Variants in MIR2052HG observed in about 807,000 individuals in gnomAD.
MIR2052HG encodes the protein MIR2052 host gene.
chr8:74,624,195 A>T (rs997273724), intron 2 of MIR2052HG, among the ~76,000 whole-genome samples: 1 of 152,216 alleles, frequency 6.6e-6, no homozygotes, highest in African/African-American at 2.4e-5. Flanking sequence ...AAACTGTTGT[A>T]TAGCTTTTAG....
chr8:74,628,422 C>T (rs888734139), intron 2 of MIR2052HG, among the ~76,000 whole-genome samples: 5 of 152,130 alleles, frequency 3.3e-5, no homozygotes, highest in African/African-American at 9.7e-5. Flanking sequence ...CTCAGATGAA[C>T]GTTGGAGATG....
At chr8:74,663,456 T>C (rs1808888563) in intron 2 of MIR2052HG, among the ~76,000 whole-genome samples, 1 of 152,212 alleles carries the variant, frequency 6.6e-6, no homozygotes, top group African/African-American at 2.4e-5. Context: ...TCATGGTTGC[T>C]CTTAGGGAAT....
intron 2 of MIR2052HG, among the ~76,000 whole-genome samples, chr8:74,635,267 G>T (rs968513295): frequency 6.6e-6 from 1 of 151,436 alleles, no homozygotes; most frequent in African/African-American, 2.4e-5. Context: ...CCGTCAGGAA[G>T]GTTTACCTCT....
At chr8:74,745,796 G>A (rs1381662781) in intron 4 of MIR2052HG, among the ~76,000 whole-genome samples, 1 of 152,134 alleles carries the variant, frequency 6.6e-6, no homozygotes, top group Non-Finnish European at 1.5e-5. Flanking sequence ...CGTGGGTACA[G>A]AGTAAGTATA....
intron 5 of MIR2052HG, among the ~76,000 whole-genome samples, chr8:74,754,590 G>T (rs1164311669): frequency 6.6e-6 from 1 of 152,210 alleles, no homozygotes; most frequent in African/African-American, 2.4e-5. Flanking sequence ...AATGAATTGT[G>T]GTTGAAGAGA....
intron 4 of MIR2052HG, among the ~76,000 whole-genome samples, chr8:74,717,619 A>G (rs926474234): frequency 1.3e-5 from 2 of 152,048 alleles, no homozygotes; most frequent in Non-Finnish European, 2.9e-5. Flanking sequence ...GGAATTCAAG[A>G]CCAGCCTGGG....
At chr8:74,755,724 G>T (rs1809993089) in intron 5 of MIR2052HG, among the ~76,000 whole-genome samples, 1 of 152,152 alleles carries the variant, frequency 6.6e-6, no homozygotes, top group African/African-American at 2.4e-5. Context: ...GGTCCTTATG[G>T]ACATGATTAT....
At chr8:74,642,801 G>A (rs1808653643) in intron 2 of MIR2052HG, among the ~76,000 whole-genome samples, 1 of 152,252 alleles carries the variant, frequency 6.6e-6, no homozygotes, top group Admixed American at 6.5e-5. Context: ...ACAACCTGAT[G>A]CTCACATCAA....
At chr8:74,607,264 T>A (rs917125661) in intron 1 of MIR2052HG, among the ~76,000 whole-genome samples, 5 of 152,146 alleles carry the variant, frequency 3.3e-5, no homozygotes, top group African/African-American at 1.2e-4. Flanking sequence ...GGAGTGAGTT[T>A]TTTAGGGGAA....
rs1161768726 is a variant in MIR2052HG, at chr8:74,653,053, C to CG, written n.216+40113_216+40114insG. Among the ~76,000 whole-genome samples, 3 of 152,112 alleles carry CG rather than the reference C, an allele frequency of 2.0e-5. No homozygotes were observed. In the East Asian group the frequency reaches 5.8e-4, roughly 29 times the overall value. On this transcript the variant is annotated intron_variant and non_coding_transcript_variant, in intron 2 of 6. Coordinates refer to ENST00000523442, the Ensembl canonical transcript of MIR2052HG. ...TTCTGTCTCTTTAGCTATACCTAAA[C>CG]TTTTTTTTCCCCCTTTTCCCTATTT...
At chr8:74,658,840 T>A (rs78482289) in intron 2 of MIR2052HG, among the ~76,000 whole-genome samples, 5,729 of 152,308 alleles carry the variant, frequency 0.038, 165 homozygotes, top group Non-Finnish European at 0.052. Context: ...TTTATTGGCA[T>A]ACATGTTTGC....
chr8:74,727,196 A>G (rs1184584584), intron 4 of MIR2052HG, among the ~76,000 whole-genome samples: 4 of 152,222 alleles, frequency 2.6e-5, no homozygotes, highest in African/African-American at 9.6e-5. Flanking sequence ...CTCTACATAC[A>G]CAAGAATAAA....
At chr8:74,755,639 C>T (rs1809991789) in intron 5 of MIR2052HG, among the ~76,000 whole-genome samples, 2 of 152,292 alleles carry the variant, frequency 1.3e-5, no homozygotes, top group Admixed American at 1.3e-4. Context: ...CTGTCAGATG[C>T]ACGGTCTTCC....
chr8:74,753,536 G>A (rs1299833574), intron 5 of MIR2052HG, among the ~76,000 whole-genome samples: 11 of 152,176 alleles, frequency 7.2e-5, no homozygotes, highest in African/African-American at 2.2e-4. Context: ...CCTTCGCATC[G>A]TGGCCAGACT....
intron 2 of MIR2052HG, among the ~76,000 whole-genome samples, chr8:74,631,496 T>A (rs945922328): frequency 6.6e-6 from 1 of 152,222 alleles, no homozygotes; most frequent in African/African-American, 2.4e-5. Context: ...CTTAAACATT[T>A]AAGATTCTTC....
intron 2 of MIR2052HG, among the ~76,000 whole-genome samples, chr8:74,617,828 C>T (rs992007728): frequency 6.6e-6 from 1 of 152,182 alleles, no homozygotes; most frequent in African/African-American, 2.4e-5. Flanking sequence ...ACCAACAGTG[C>T]ATAAGCATTC....
chr8:74,665,605 C>T (rs541990525), intron 2 of MIR2052HG, among the ~76,000 whole-genome samples: 22 of 152,298 alleles, frequency 1.4e-4, no homozygotes, highest in African/African-American at 4.6e-4. Flanking sequence ...TCATTTCCTC[C>T]ACATCTCTTT....
At chr8:74,698,845 C>T (rs1809329083) in intron 2 of MIR2052HG, among the ~76,000 whole-genome samples, 1 of 152,012 alleles carries the variant, frequency 6.6e-6, no homozygotes, top group African/African-American at 2.4e-5. Flanking sequence ...AGCACCACGG[C>T]ACATGTACAC....
chr8:74,753,683 T>G (rs1809971911), intron 5 of MIR2052HG, among the ~76,000 whole-genome samples: 1 of 152,220 alleles, frequency 6.6e-6, no homozygotes, highest in Admixed American at 6.5e-5. Context: ...CAGGTGCTGA[T>G]TAGGAAATGT....
Sources: allele counts gnomAD v4.1 joint callset (sites outside exome capture counted in the v4.1 genomes callset), GRCh38; gene constraint gnomAD v4.1.1; transcripts MANE v1.5; gene names NCBI Gene and HGNC (gene_info 2026-07-23, HGNC 2026-07-21).